The following SEC22C variants were observed in gnomAD, a reference collection of about 807,000 sequenced individuals.
The protein encoded by SEC22C is vesicle-trafficking protein SEC22c.
A neutral mutation model predicts 34.7 loss-of-function variants in SEC22C; 29 were observed. The ratio of observed to expected loss-of-function variants is 0.84; its 90% CI spans 0.62 to 1.14. The LOEUF is 1.14. SEC22C is among the 50% of genes most tolerant of loss of function. The pLI, the probability that SEC22C is intolerant of heterozygous loss-of-function variation, is 0.00. For synonymous variants in SEC22C, 117 were observed against 132.8 expected (o/e 0.88, Z 0.82); for missense variants, 337 against 369.0 (o/e 0.91, Z 0.71).
At position 42,550,856 on chromosome 3, in the gene SEC22C, C is replaced by T. The variant is rs1577281942; in HGVS notation, c.*2392G>A. ...AAAAGAAAACAGTCCATTTTTAAGC[C>T]GTTCTTACCGACTTTTTTTTTTTTT... On this transcript the variant is annotated 3_prime_UTR_variant, in exon 7 of 7. Transcript: ENST00000264454. 1.2e-5 allele frequency: 12 copies of T among 980,606 alleles called. No individual in the cohort carries two copies. The South Asian group carries it at 4.3e-4, about 35-fold the overall frequency. The allele number at this position is 980,606 out of a possible 1,614,324, so 60.7% of individuals were successfully genotyped here.
chr3:42,581,742 G>C (rs1704373418), intron 1 of SEC22C, 104 bp downstream of exon 1: 1 of 152,390 alleles, frequency 6.6e-6, no homozygotes, highest in African/African-American at 2.4e-5. Flanking sequence ...GGGCCGGGTG[G>C]GCCCTGGGCC....
chr3:42,586,289 T>C (rs1481369919), upstream of SEC22C, among the ~76,000 whole-genome samples: 2 of 152,164 alleles, frequency 1.3e-5, no homozygotes, highest in Admixed American at 6.5e-5. Context: ...GCAATGGCAC[T>C]GAGGCTTACT....
chr3:42,583,259 C>T (rs1200923294), upstream of SEC22C, among the ~76,000 whole-genome samples: 2 of 152,142 alleles, frequency 1.3e-5, no homozygotes, highest in East Asian at 3.8e-4. Flanking sequence ...GTGCAGTCAT[C>T]TGGGCAAGAG....
At position 42,568,859 on chromosome 3, in the gene SEC22C, A is replaced by C; in HGVS notation, c.182+6T>G. 3 of 1,613,246 alleles carry C rather than the reference A, an allele frequency of 1.9e-6. No individual in the cohort carries two copies. Among genetic ancestry groups the C allele is most frequent in the Non-Finnish European group, 2.5e-6 (3 of 1,179,362 alleles). Reference sequence around the variant, plus strand: ...ATATTCTGAAAAAGTGAATATGATCACTTACTGTATACTAAAGTCACAACC... The same window carrying C: ...ATATTCTGAAAAAGTGAATATGATCCCTTACTGTATACTAAAGTCACAACC... On this transcript the variant is annotated splice_donor_region_variant and intron_variant, in intron 2 of 6. Transcript: ENST00000264454.
intron 3 of SEC22C, among the ~76,000 whole-genome samples, chr3:42,563,245 C>T (rs1703031819): frequency 6.6e-6 from 1 of 152,216 alleles, no homozygotes; most frequent in East Asian, 1.9e-4. Context: ...CATTTGCTGA[C>T]CCCAGCTTCA....
rs1281694911 is a variant in SEC22C at position 42,581,853 on chromosome 3, G to C, written c.-35C>G. 1 of 152,232 alleles carries C rather than the reference G, an allele frequency of 6.6e-6. No homozygotes were observed. The highest frequency in any genetic ancestry group is 1.5e-5 in the Non-Finnish European group (1 of 68,212). The allele number at this position is 152,232 out of a possible 1,614,324, so 9.4% of individuals were successfully genotyped here. A position where few individuals can be genotyped will look rare whatever the true frequency, so the allele number is the denominator to read the frequency against. On this transcript the variant is annotated 5_prime_UTR_variant, in exon 1 of 7. Coordinates refer to ENST00000264454, the MANE Select transcript of SEC22C (RefSeq NM_032970.4). ...CCGCCCGCCAGCCCTCACCTCGCCCGGACGGCGGCCTTCGGAAGTCGGCGC... is the reference window on the plus strand; with the variant it reads ...CCGCCCGCCAGCCCTCACCTCGCCCCGACGGCGGCCTTCGGAAGTCGGCGC...
Position 42,549,982 on chromosome 3 carries a change from C to G in SEC22C, c.*3266G>C. 2 of 985,484 alleles carry G rather than the reference C, an allele frequency of 2.0e-6. No homozygotes were observed. Among genetic ancestry groups the G allele is most frequent in the Non-Finnish European group, 2.4e-6 (2 of 829,960 alleles). The allele number at this position is 985,484 out of a possible 1,614,324, so 61.0% of individuals were successfully genotyped here. On this transcript the variant is annotated 3_prime_UTR_variant, in exon 7 of 7. Coordinates refer to ENST00000264454, the MANE Select transcript of SEC22C (RefSeq NM_032970.4). ...CCACCCGAATATGCCCCAGCTGTCT[C>G]CACCCAGGAAAAGGAAAGCCAGGTA... is the stretch of plus-strand genomic sequence containing the variant.
intron 1 of SEC22C, chr3:42,594,560 T>C (rs759851007): frequency 1.2e-4 from 177 of 1,472,898 alleles, no homozygotes; most frequent in Non-Finnish European, 1.6e-4. Context: ...TGAGGAGTAA[T>C]TGAATGTAAT....
chr3:42,599,688 T>C (rs1445723980), intron 1 of SEC22C, among the ~76,000 whole-genome samples: 1 of 147,016 alleles, frequency 6.8e-6, no homozygotes, highest in Admixed American at 6.7e-5. Flanking sequence ...CGAGACTCCG[T>C]CTCAAAAAAA....
At position 42,553,247 on chromosome 3, in the gene SEC22C, C is replaced by T; in HGVS notation, c.*1G>A. On this transcript the variant is annotated 3_prime_UTR_variant, in exon 7 of 7. Coordinates refer to ENST00000264454, the MANE Select transcript of SEC22C (RefSeq NM_032970.4). ...AGAATCCATTCATCACAGTGTCATC[C>T]TCATACTCCACAGTCAGACTGCTTC... 1 of 1,613,990 alleles carries T rather than the reference C, an allele frequency of 6.2e-7. No individual in the cohort carries two copies. The highest frequency in any genetic ancestry group is 8.5e-7 in the Non-Finnish European group (1 of 1,180,018).
intron 6 of SEC22C, 103 bp downstream of exon 6, chr3:42,555,827 T>C: frequency 1.1e-6 from 1 of 950,050 alleles, no homozygotes; most frequent in South Asian, 1.4e-5. Flanking sequence ...AACCATGACC[T>C]TGGTGGAACA....
upstream of SEC22C, among the ~76,000 whole-genome samples, chr3:42,584,547 C>G (rs954304875): frequency 6.6e-6 from 1 of 152,204 alleles, no homozygotes; most frequent in African/African-American, 2.4e-5. Flanking sequence ...TGAGCCACCA[C>G]GCCTAGCCGG....
Position 42,549,031 on chromosome 3 carries a change from G to C in SEC22C, c.*4217C>G, listed in dbSNP as rs945923382. The C allele has an allele frequency of 2.0e-6, 2 of 984,424 alleles. No individual in the cohort carries two copies. The highest frequency in any genetic ancestry group is 2.5e-6 in the Non-Finnish European group (2 of 814,024). The allele number at this position is 984,424 out of a possible 1,614,324, so 61.0% of individuals were successfully genotyped here. On this transcript the variant is annotated 3_prime_UTR_variant, in exon 7 of 7. Transcript: ENST00000264454. ...TGATGGGCAGTGATTTGTGCACTGC[G>C]ACATAGGACTCAGTGAAGAGCCTAG... is the stretch of plus-strand genomic sequence containing the variant.
upstream of SEC22C, among the ~76,000 whole-genome samples, chr3:42,586,501 G>A (rs1030866204): frequency 9.9e-5 from 15 of 151,812 alleles, no homozygotes; most frequent in East Asian, 3.9e-4. Context: ...GGCATTACAG[G>A]TGTGAGCCAC....
At position 42,551,890 on chromosome 3, in the gene SEC22C, T is replaced by C. The variant is rs867336536; in HGVS notation, c.*1358A>G. The stretch of plus-strand genomic sequence containing the variant: ...TTTCCACTTTTAAAAACTATCAAAA[T>C]AGGATTTTTAAAAATTTATCAAGAC... On this transcript the variant is annotated 3_prime_UTR_variant, in exon 7 of 7. Transcript: ENST00000264454. 3.0e-6 allele frequency: 3 copies of C among 984,506 alleles called. No homozygotes were observed. In the African/African-American group the frequency reaches 5.2e-5, roughly 17 times the overall value. The allele number at this position is 984,506 out of a possible 1,614,324, so 61.0% of individuals were successfully genotyped here. A position where few individuals can be genotyped will look rare whatever the true frequency, so the allele number is the denominator to read the frequency against.
chr3:42,555,449 A>G (rs536131747), intron 6 of SEC22C, among the ~76,000 whole-genome samples: 1 of 152,276 alleles, frequency 6.6e-6, no homozygotes, highest in African/African-American at 2.4e-5. Flanking sequence ...CTTGGCCTTG[A>G]AAAGTACTGG....
intron 1 of SEC22C, among the ~76,000 whole-genome samples, chr3:42,569,977 A>C (rs1194167889): frequency 6.6e-6 from 1 of 152,190 alleles, no homozygotes; most frequent in Non-Finnish European, 1.5e-5. Flanking sequence ...GGGATTAGTG[A>C]GGTGGCTATT....
Position 42,596,023 on chromosome 3 carries a change from TTTTG to T in SEC22C, c.-28+4933_-28+4936del, listed in dbSNP as rs1407839613. 5.3e-5 allele frequency among the ~76,000 whole-genome samples: 8 copies of T among 151,506 alleles called. No homozygotes were observed. In the East Asian group the frequency reaches 1.5e-3, roughly 29 times the overall value. ...TCTTCTTTTTTTTGGTTTTGTTTTG[TTTTG>T]TTTTTGTTTTTGTTTTTTTTTGAGA... is the stretch of plus-strand genomic sequence containing the variant. On this transcript the variant is annotated intron_variant, in intron 1 of 6. Transcript: ENST00000417572.
intron 1 of SEC22C, among the ~76,000 whole-genome samples, chr3:42,574,432 A>G (rs541701461): frequency 2.0e-4 from 31 of 152,160 alleles, no homozygotes; most frequent in African/African-American, 7.5e-4. Flanking sequence ...CATTAAAGGA[A>G]TTTGTCAAGA....
Sources: gnomAD v4.1 joint callset for allele counts (sites outside exome capture counted in the v4.1 genomes callset) on GRCh38, gnomAD v4.1.1 for gene constraint, MANE v1.5 for transcripts, NCBI Gene and HGNC (gene_info 2026-07-23, HGNC 2026-07-21) for gene names.